EXOC6: variants seen among roughly 807,000 people sequenced by gnomAD.
EXOC6 encodes SEC15-like 1.
In EXOC6, 60 loss-of-function variants were observed where a neutral mutation model predicts 112.5. The observed-to-expected ratio is 0.53, with a 90% CI of 0.43 to 0.66. EXOC6 has a LOEUF of 0.66. Among genes scored for constraint, EXOC6 ranks in the 30% least tolerant of loss-of-function variants. EXOC6 has a pLI of 0.00. For synonymous variants in EXOC6, 295 were observed against 308.0 expected (o/e 0.96, Z 0.44); for missense variants, 855 against 957.1 (o/e 0.89, Z 1.41).
intron 20 of EXOC6, among the ~76,000 whole-genome samples, chr10:93,049,114 G>A (rs1447377136): frequency 6.6e-6 from 1 of 151,442 alleles, no homozygotes; most frequent in Admixed American, 6.6e-5. Flanking sequence ...CTGGAGTGCA[G>A]TGGTGCAATC....
chr10:92,860,521 A>ATTTG (rs1158638886), intron 1 of EXOC6, among the ~76,000 whole-genome samples: 10 of 152,032 alleles, frequency 6.6e-5, no homozygotes, highest in African/African-American at 2.2e-4. Context: ...TCGGCCTCCC[A>ATTTG]AAGTGCTGGG....
chr10:92,975,883 C>G (rs1215143125), intron 18 of EXOC6, among the ~76,000 whole-genome samples: 3 of 141,058 alleles, frequency 2.1e-5, no homozygotes, highest in East Asian at 2.2e-4. Context: ...TGAGGAGCCC[C>G]TCTGCCTGGC....
At position 93,054,795 on chromosome 10, in the gene EXOC6, A is replaced by G. The variant is rs147934864; in HGVS notation, c.2170-2129A>G. Among the ~76,000 whole-genome samples, 51 of 152,350 alleles carry G rather than the reference A, an allele frequency of 3.3e-4. No homozygotes were observed. The East Asian group carries it at 9.4e-3, about 28-fold the overall frequency. On this transcript the variant is annotated intron_variant, in intron 20 of 21. Coordinates refer to ENST00000260762, the MANE Select transcript of EXOC6 (RefSeq NM_019053.6). ...ATTGCACATGCACAGTTGTGCAAAT[A>G]CACACATATACCTGAAAGAAGAATC...
At chr10:92,914,469 C>A (rs956245581) in intron 6 of EXOC6, among the ~76,000 whole-genome samples, 1 of 152,072 alleles carries the variant, frequency 6.6e-6, no homozygotes, top group Non-Finnish European at 1.5e-5. Context: ...AACTTAGAAC[C>A]CTTTTTTCAA....
chr10:93,057,844 T>A (rs1023888334), intron 21 of EXOC6, among the ~76,000 whole-genome samples: 1 of 152,182 alleles, frequency 6.6e-6, no homozygotes, highest in African/African-American at 2.4e-5. Flanking sequence ...AAAACATCGC[T>A]ATTTTACATT....
In EXOC6 at chr10:92,934,140, T is replaced by C. The variant is rs374089840; in HGVS notation, c.973-4T>C. On this transcript the variant is annotated splice_polypyrimidine_tract_variant and splice_region_variant and intron_variant, in intron 9 of 21. Transcript: ENST00000260762. ...TTAAATTGATTTTTATTTTTCATTT[T>C]AAGCATGAAACAGTTGATGGCTATA... is the stretch of plus-strand genomic sequence containing the variant. 5.9e-6 allele frequency: 9 copies of C among 1,524,696 alleles called. No homozygotes were observed. In the African/African-American group the frequency reaches 1.2e-4, roughly 21 times the overall value. The allele number at this position is 1,524,696 out of a possible 1,614,324, so 94.4% of individuals were successfully genotyped here.
intron 19 of EXOC6, among the ~76,000 whole-genome samples, chr10:93,001,361 C>T (rs1002935988): frequency 6.6e-6 from 1 of 152,208 alleles, no homozygotes; most frequent in Non-Finnish European, 1.5e-5. Flanking sequence ...ATTCCTTGAA[C>T]ATCCAATTTG....
intron 19 of EXOC6, among the ~76,000 whole-genome samples, chr10:93,001,583 C>G (rs1843757348): frequency 6.6e-6 from 1 of 152,194 alleles, no homozygotes; most frequent in Non-Finnish European, 1.5e-5. Context: ...TGCCTGCCCC[C>G]TTTATCGGAA....
At chr10:92,964,935 A>C (rs763501682) in intron 17 of EXOC6, among the ~76,000 whole-genome samples, 1 of 152,154 alleles carries the variant, frequency 6.6e-6, no homozygotes, top group Non-Finnish European at 1.5e-5. Flanking sequence ...CCCAAACCTC[A>C]CATCGTCATG....
chr10:92,842,544 G>A (rs1265926321), intron 1 of EXOC6, among the ~76,000 whole-genome samples: 6 of 151,694 alleles, frequency 4.0e-5, no homozygotes, highest in African/African-American at 1.5e-4. Context: ...GAGAGGAAAG[G>A]GAGAAAGGGC....
At chr10:92,999,388 G>A in intron 19 of EXOC6, 2 of 324,780 alleles carry the variant, frequency 6.2e-6, no homozygotes, top group African/African-American at 2.3e-5. Flanking sequence ...TAAGCTGAAA[G>A]TAATTTTTAT....
At chr10:92,921,153 T>C (rs776704603) in intron 8 of EXOC6, among the ~76,000 whole-genome samples, 6 of 152,226 alleles carry the variant, frequency 3.9e-5, no homozygotes, top group Non-Finnish European at 7.3e-5. Context: ...ACATGTCTTA[T>C]ATCTTTTTTG....
intron 17 of EXOC6, among the ~76,000 whole-genome samples, chr10:92,973,551 A>T (rs1842378867): frequency 1.3e-5 from 2 of 152,122 alleles, no homozygotes; most frequent in South Asian, 4.1e-4. Flanking sequence ...TGCTGGCATC[A>T]CTCCTATTGT....
At chr10:92,917,482 C>A (rs1210150383) in intron 7 of EXOC6, among the ~76,000 whole-genome samples, 3 of 148,728 alleles carry the variant, frequency 2.0e-5, no homozygotes, top group East Asian at 3.9e-4. Context: ...TAAATATTTT[C>A]TTTCTTTCAT....
At chr10:92,900,324 A>G (rs758539044) in intron 5 of EXOC6, 1 of 152,090 alleles carries the variant, frequency 6.6e-6, no homozygotes, top group Non-Finnish European at 1.5e-5. Context: ...CAAAAGTAAC[A>G]TAGAAAAACC....
intron 13 of EXOC6, among the ~76,000 whole-genome samples, chr10:92,942,277 C>A (rs1169661722): frequency 1.3e-5 from 2 of 152,112 alleles, no homozygotes; most frequent in Non-Finnish European, 2.9e-5. Context: ...CACCTGTAAT[C>A]CCAGCTACTT....
At chr10:92,859,411 T>C (rs1214258278) in intron 1 of EXOC6, among the ~76,000 whole-genome samples, 1 of 152,254 alleles carries the variant, frequency 6.6e-6, no homozygotes, top group Non-Finnish European at 1.5e-5. Context: ...TGTTAAACTT[T>C]CTGCCTTCGT....
At chr10:92,976,527 G>A (rs936527517) in intron 18 of EXOC6, among the ~76,000 whole-genome samples, 2 of 151,522 alleles carry the variant, frequency 1.3e-5, no homozygotes, top group Non-Finnish European at 2.9e-5. Context: ...CAAACACTGC[G>A]GAAGGCCGCA....
Position 92,935,814 on chromosome 10 carries a change from T to A in EXOC6, c.1141T>A (p.Ser381Thr). Residue 381 changes from serine (S) to threonine (T), a missense_variant and splice_region_variant, in exon 12 of 22, where the codon TCC (serine) becomes ACC (threonine). Around this residue, in one of 2 missense-constraint regions of EXOC6, gnomAD observed 450 missense variants for 563.5 expected, o/e 0.80. Transcript: ENST00000260762. ...TTTGTTTGTGTGTTTCCACCCTCAG[T>A]CCTATTGCACTGATCCTGATCTTGT... is the stretch of plus-strand genomic sequence containing the variant. ...KIIAVLRAHS[S>T]YCTDPDLVLE... is the part of the protein sequence containing the mutation. 1 of 1,603,764 alleles carries A rather than the reference T, an allele frequency of 6.2e-7. No individual in the cohort carries two copies. Among genetic ancestry groups the A allele is most frequent in the Non-Finnish European group, 8.5e-7 (1 of 1,172,874 alleles).
Sources: gnomAD v4.1 joint callset for allele counts (sites outside exome capture counted in the v4.1 genomes callset) on GRCh38, gnomAD v4.1.1 for gene constraint, gnomAD v4.1.1 regional missense constraint, MANE v1.5 for transcripts, NCBI Gene and HGNC (gene_info 2026-07-23, HGNC 2026-07-21) for gene names.